Variants in STARD13 observed in about 807,000 individuals in gnomAD.
STARD13 encodes the protein stAR-related lipid transfer protein 13.
A neutral mutation model predicts 106.4 loss-of-function variants in STARD13; 62 were observed. That is an observed-to-expected ratio of 0.58 (90% CI 0.48 to 0.72). The LOEUF is 0.72. Among genes scored for constraint, STARD13 ranks in the 30% least tolerant of loss-of-function variants. STARD13 has a pLI of 0.00. For synonymous variants in STARD13, 565 were observed against 553.0 expected (o/e 1.02, Z -0.31); for missense variants, 1,387 against 1,424.0 (o/e 0.97, Z 0.42).
the STARD13 span, among the ~76,000 whole-genome samples, chr13:33,356,128 G>A: frequency 1.3e-4 from 20 of 152,162 alleles, no homozygotes; most frequent in African/African-American, 4.6e-4. Flanking sequence ...TATGGGAGAC[G>A]TTGGGTAAGT....
At chr13:33,306,363 C>G (rs1404966229) in intron 1 of STARD13, among the ~76,000 whole-genome samples, 1 of 152,118 alleles carries the variant, frequency 6.6e-6, no homozygotes, top group East Asian at 1.9e-4. Context: ...AAACCCAAAA[C>G]TATAAAAACC....
chr13:33,349,354 C>A, intron 1 of STARD13: 1 of 662,950 alleles, frequency 1.5e-6, no homozygotes, highest in Non-Finnish European at 2.7e-6. Context: ...CTAAACCCTG[C>A]ACTGCCCAGG....
intron 1 of STARD13, among the ~76,000 whole-genome samples, chr13:33,341,371 C>A (rs967111919): frequency 1.3e-5 from 2 of 152,012 alleles, no homozygotes; most frequent in African/African-American, 2.4e-5. Flanking sequence ...TGGCGCGGTG[C>A]CTCAAGCCTG....
intron 1 of STARD13, among the ~76,000 whole-genome samples, chr13:33,317,417 A>T (rs961954098): frequency 6.6e-6 from 1 of 152,036 alleles, no homozygotes; most frequent in South Asian, 2.1e-4. Context: ...CTCCAATCAC[A>T]CCATGTCTCA....
At chr13:33,309,165 A>T (rs562185096) in intron 1 of STARD13, among the ~76,000 whole-genome samples, 1 of 152,210 alleles carries the variant, frequency 6.6e-6, no homozygotes. Context: ...TTTTCTTAAT[A>T]TAAAAGCTCT....
At chr13:33,626,440 G>A in the STARD13 span, among the ~76,000 whole-genome samples, 4 of 152,100 alleles carry the variant, frequency 2.6e-5, no homozygotes, top group Admixed American at 6.5e-5. Context: ...TCCAATATTT[G>A]AGAAAATTGT....
the STARD13 span, among the ~76,000 whole-genome samples, chr13:33,663,329 GA>G: frequency 6.6e-6 from 1 of 151,886 alleles, no homozygotes; most frequent in Non-Finnish European, 1.5e-5. Context: ...AAATATTATG[GA>G]CAAAAATTAT....
At position 33,129,366 on chromosome 13, in the gene STARD13, C is replaced by T. The variant is rs1418971504; in HGVS notation, c.1311G>A (p.Gln437=). Residue 437 remains glutamine (Q), a synonymous_variant, in exon 5 of 14, where the codon CAG becomes CAA. Coordinates refer to ENST00000336934, the MANE Select transcript of STARD13 (RefSeq NM_178006.4). ...RTGSISLGRE[Q]VPGAREPRLM... is the part of the protein sequence containing the mutation. ...GCCGGGGCTCCCTGGCACCAGGGACCTGCTCTCTGCCCAGGGAGATGCTAC... is the reference window on the plus strand; with the variant it reads ...GCCGGGGCTCCCTGGCACCAGGGACTTGCTCTCTGCCCAGGGAGATGCTAC... 4 of 1,614,064 alleles carry T rather than the reference C, an allele frequency of 2.5e-6. No homozygotes were observed. Among genetic ancestry groups the T allele is most frequent in the African/African-American group, 1.3e-5 (1 of 74,930 alleles).
chr13:33,574,555 C>T, the STARD13 span, among the ~76,000 whole-genome samples: 1 of 152,062 alleles, frequency 6.6e-6, no homozygotes, highest in Non-Finnish European at 1.5e-5. Context: ...GCGGTACATA[C>T]TGGGACCCTG....
chr13:33,463,389 G>A, the STARD13 span, among the ~76,000 whole-genome samples: 1 of 152,212 alleles, frequency 6.6e-6, no homozygotes, highest in African/African-American at 2.4e-5. Flanking sequence ...ATAACTTCCA[G>A]GTTGCCCAGT....
Position 33,130,150 on chromosome 13 carries a change from C to T in STARD13, c.527G>A (p.Gly176Glu). The T allele has an allele frequency of 1.2e-6, 2 of 1,614,124 alleles. 1 individual carries two copies. The highest frequency in any genetic ancestry group is 2.2e-5 in the South Asian group (2 of 91,076). The change falls in exon 5 of 14, where the codon GGG becomes GAG. Residue 176 changes from glycine (G) to glutamate (E), a missense_variant. Physicochemically the swap from Gly to Glu is moderately conservative, Grantham distance 98. Transcript: ENST00000336934. This position sits in a 1 kb window ranked among gnomAD's most constrained non-coding sequence, Gnocchi z 4.1. Reference sequence around the variant, plus strand: ...CTCACTGCTGGTCGTGTTCCTCATCCCCGTGCCTCCCGGTGACCCATTTCT... The same window carrying T: ...CTCACTGCTGGTCGTGTTCCTCATCTCCGTGCCTCCCGGTGACCCATTTCT... Reference protein sequence around the residue: ...GDRNGSPGGTGMRNTTSSESV... With the variant: ...GDRNGSPGGTEMRNTTSSESV...
the STARD13 span, among the ~76,000 whole-genome samples, chr13:33,648,783 C>CTTTTTTTTTTTTTTTTTTTT: frequency 2.3e-4 from 18 of 76,988 alleles, no homozygotes; most frequent in South Asian, 4.8e-4. Context: ...TTTTCTCTTT[C>CTTTTTTTTTTTTTTTTTTTT]TTTTTTTTTT....
At chr13:33,325,061 T>A (rs559719965) in intron 1 of STARD13, among the ~76,000 whole-genome samples, 5 of 152,276 alleles carry the variant, frequency 3.3e-5, no homozygotes, top group East Asian at 1.9e-4. Flanking sequence ...TATATATATA[T>A]AAATAATCTT....
chr13:33,130,396 G>T lies in STARD13; in HGVS notation c.388-107C>A. On this transcript the variant is annotated intron_variant, in intron 4 of 13. Coordinates refer to ENST00000336934, the MANE Select transcript of STARD13 (RefSeq NM_178006.4). The surrounding 1 kb of genome is among the most constrained non-coding windows in gnomAD (Gnocchi z 4.1). Reference sequence around the variant, plus strand: ...GTGGTCCTCCACCTCCCTCCCCTCTGTCCTCCCATGCACAGGTGTGAGCTT... The same window carrying T: ...GTGGTCCTCCACCTCCCTCCCCTCTTTCCTCCCATGCACAGGTGTGAGCTT... 1 of 1,077,168 alleles carries T rather than the reference G, an allele frequency of 9.3e-7. No homozygotes were observed. The highest frequency in any genetic ancestry group is 1.3e-6 in the Non-Finnish European group (1 of 746,022). The allele number at this position is 1,077,168 out of a possible 1,614,324, so 66.7% of individuals were successfully genotyped here. A position where few individuals can be genotyped will look rare whatever the true frequency, so the allele number is the denominator to read the frequency against.
chr13:33,218,289 T>C (rs1888156338), intron 1 of STARD13, among the ~76,000 whole-genome samples: 2 of 150,894 alleles, frequency 1.3e-5, no homozygotes, highest in Non-Finnish European at 1.5e-5. Flanking sequence ...CCATGGAATG[T>C]GGGCTGTCCT....
chr13:33,177,748 AAAAAAGGAAGGAAGGAAG>A (rs1884671933), intron 1 of STARD13, among the ~76,000 whole-genome samples: 1 of 88,980 alleles, frequency 1.1e-5, no homozygotes, highest in Non-Finnish European at 2.6e-5. Context: ...GGAAGGAAGG[AAAAAAGGAAGGAAGGAAG>A]GAAAGGAAGG....
At chr13:33,313,892 T>C (rs1278048867) in intron 1 of STARD13, among the ~76,000 whole-genome samples, 1 of 152,212 alleles carries the variant, frequency 6.6e-6, no homozygotes, top group East Asian at 1.9e-4. Flanking sequence ...CATTTACAGA[T>C]ACCATGTTGC....
At chr13:33,524,368 G>T in the STARD13 span, 1 of 868,458 alleles carries the variant, frequency 1.2e-6, no homozygotes, top group Non-Finnish European at 1.5e-6. Flanking sequence ...CAGGTTTATA[G>T]AATCCTGTAA....
the STARD13 span, among the ~76,000 whole-genome samples, chr13:33,427,353 T>C: frequency 2.6e-5 from 4 of 152,174 alleles, no homozygotes. Flanking sequence ...AACATAAAAA[T>C]AATATTTTGG....
Sources: allele counts gnomAD v4.1 joint callset (sites outside exome capture counted in the v4.1 genomes callset), GRCh38; gene constraint gnomAD v4.1.1; non-coding constraint Gnocchi (gnomAD v3.1); transcripts MANE v1.5; gene names NCBI Gene and HGNC (gene_info 2026-07-23, HGNC 2026-07-21).